The following EFNA5 variants were observed in gnomAD, a reference collection of about 807,000 sequenced individuals.
EFNA5 encodes the protein ephrin-A5.
Under a neutral mutation model 22.9 loss-of-function variants are expected in EFNA5, and 5 were observed. The observed-to-expected ratio is 0.22, with a 90% CI of 0.11 to 0.46. The LOEUF is 0.46. Ranked by LOEUF, EFNA5 falls within the 20% of genes least tolerant of loss-of-function variation. The pLI is 0.99. For synonymous variants in EFNA5, 113 were observed against 112.2 expected, an observed-to-expected ratio of 1.01 and a Z score of -0.04; for missense variants, 237 against 293.3, an observed-to-expected ratio of 0.81 and a Z score of 1.40.
chr5:107,446,292 C>A (rs1485886724), intron 1 of EFNA5, among the ~76,000 whole-genome samples: 1 of 152,086 alleles, frequency 6.6e-6, no homozygotes, highest in Non-Finnish European at 1.5e-5. Flanking sequence ...ATTTATGGAA[C>A]TTTTAGGGTA....
chr5:107,670,436 C>T lies in EFNA5; in HGVS notation c.125+53G>A, dbSNP rs1210410360. 4 of 1,511,986 alleles carry T rather than the reference C, an allele frequency of 2.6e-6. No homozygotes were observed. The Admixed American group carries it at 9.0e-5, about 34-fold the overall frequency. The allele number at this position is 1,511,986 out of a possible 1,614,324, so 93.7% of individuals were successfully genotyped here. ...CGCCGATCCCCGCCGCCGCTCCTTC[C>T]GCAGGGCCCCGAGGCCCGGGTAGCC... On this transcript the variant is annotated intron_variant, in intron 1 of 4. Transcript: ENST00000333274.
intron 1 of EFNA5, among the ~76,000 whole-genome samples, chr5:107,467,891 G>T (rs1750034225): frequency 6.6e-6 from 1 of 152,118 alleles, no homozygotes; most frequent in African/African-American, 2.4e-5. Flanking sequence ...AACAAACATA[G>T]GCTACATACA....
At chr5:107,648,165 TAG>T (rs1310846125) in intron 1 of EFNA5, among the ~76,000 whole-genome samples, 1 of 152,192 alleles carries the variant, frequency 6.6e-6, no homozygotes, top group African/African-American at 2.4e-5. Flanking sequence ...CTTATTCACT[TAG>T]GTTCTCACTG....
chr5:107,409,864 TG>T (rs1748314873), intron 2 of EFNA5, among the ~76,000 whole-genome samples: 1 of 152,176 alleles, frequency 6.6e-6, no homozygotes, highest in Admixed American at 6.5e-5. Flanking sequence ...AAATCGAATG[TG>T]AGTTATGCTG....
At chr5:107,618,395 A>G (rs1465917035) in intron 1 of EFNA5, among the ~76,000 whole-genome samples, 3 of 152,198 alleles carry the variant, frequency 2.0e-5, no homozygotes, top group Admixed American at 1.3e-4. Flanking sequence ...ACTAATTGAC[A>G]GCACTTGAAA....
At chr5:107,513,327 G>A (rs1747412695) in intron 1 of EFNA5, among the ~76,000 whole-genome samples, 1 of 152,082 alleles carries the variant, frequency 6.6e-6, no homozygotes, top group Non-Finnish European at 1.5e-5. Context: ...ACACTCGCTT[G>A]GGAGCTCAAT....
intron 1 of EFNA5, among the ~76,000 whole-genome samples, chr5:107,436,893 T>C (rs1362222101): frequency 1.3e-5 from 2 of 152,134 alleles, no homozygotes; most frequent in Non-Finnish European, 2.9e-5. Flanking sequence ...CAGCAGAATT[T>C]CAGGCTATTC....
At chr5:107,383,419 T>A (rs984626624) in intron 4 of EFNA5, among the ~76,000 whole-genome samples, 1 of 152,178 alleles carries the variant, frequency 6.6e-6, no homozygotes, top group African/African-American at 2.4e-5. Flanking sequence ...TAATAGGAAG[T>A]AGAAGTAAAG....
intron 1 of EFNA5, among the ~76,000 whole-genome samples, chr5:107,451,300 T>A (rs556940465): frequency 4.6e-5 from 7 of 152,230 alleles, no homozygotes; most frequent in Non-Finnish European, 8.8e-5. Flanking sequence ...AGCAACTGGA[T>A]AAATCAACTA....
chr5:107,582,427 T>C (rs1749090967), intron 1 of EFNA5, among the ~76,000 whole-genome samples: 1 of 152,172 alleles, frequency 6.6e-6, no homozygotes, highest in Admixed American at 6.5e-5. Context: ...AGTGATTCAA[T>C]AAATGTTTAG....
intron 1 of EFNA5, among the ~76,000 whole-genome samples, chr5:107,511,373 T>C (rs896212492): frequency 6.6e-6 from 1 of 152,130 alleles, no homozygotes; most frequent in Non-Finnish European, 1.5e-5. Flanking sequence ...TTTGAAAAGA[T>C]GATGAGATCA....
At chr5:107,526,232 T>C (rs1169436110) in intron 1 of EFNA5, among the ~76,000 whole-genome samples, 3 of 152,238 alleles carry the variant, frequency 2.0e-5, no homozygotes, top group Non-Finnish European at 2.9e-5. Flanking sequence ...TTCTGGATTT[T>C]AGAATGACAA....
chr5:107,538,269 C>T (rs191642508), intron 1 of EFNA5, among the ~76,000 whole-genome samples: 40 of 152,310 alleles, frequency 2.6e-4, no homozygotes, highest in Non-Finnish European at 4.7e-4. Context: ...CAGATTTGTC[C>T]ATCCAAATTC....
At chr5:107,516,724 G>A (rs771393830) in intron 1 of EFNA5, among the ~76,000 whole-genome samples, 7 of 152,196 alleles carry the variant, frequency 4.6e-5, no homozygotes, top group Non-Finnish European at 1.0e-4. Flanking sequence ...AACCATGTGT[G>A]ACAGCTGCAA....
intron 1 of EFNA5, among the ~76,000 whole-genome samples, chr5:107,482,471 C>A (rs1186713480): frequency 6.6e-6 from 1 of 152,132 alleles, no homozygotes; most frequent in Admixed American, 6.5e-5. Flanking sequence ...CTGTCAGACA[C>A]ATGGCCCCAC....
intron 1 of EFNA5, among the ~76,000 whole-genome samples, chr5:107,599,537 T>C (rs776898457): frequency 2.0e-5 from 3 of 152,234 alleles, no homozygotes; most frequent in Non-Finnish European, 4.4e-5. Flanking sequence ...TCTGTATCTT[T>C]TTCTATCATG....
chr5:107,583,742 T>A (rs924643533), intron 1 of EFNA5, among the ~76,000 whole-genome samples: 1 of 152,226 alleles, frequency 6.6e-6, no homozygotes, highest in East Asian at 1.9e-4. Flanking sequence ...TGCTTACTTA[T>A]AACAAGTACT....
chr5:107,646,498 T>G (rs1750636174), intron 1 of EFNA5, among the ~76,000 whole-genome samples: 1 of 152,168 alleles, frequency 6.6e-6, no homozygotes, highest in South Asian at 2.1e-4. Flanking sequence ...AAGTATCTGG[T>G]ATTAATGTCC....
At chr5:107,620,844 T>C (rs111978559) in intron 1 of EFNA5, among the ~76,000 whole-genome samples, 3 of 152,336 alleles carry the variant, frequency 2.0e-5, no homozygotes, top group South Asian at 2.1e-4. Context: ...TGCAAAACTT[T>C]AGGTGCAAAG....
Sources: gnomAD v4.1 joint callset for allele counts (sites outside exome capture counted in the v4.1 genomes callset) on GRCh38, gnomAD v4.1.1 for gene constraint, MANE v1.5 for transcripts, NCBI Gene and HGNC (gene_info 2026-07-23, HGNC 2026-07-21) for gene names.